Variants in CRB1 observed in about 807,000 individuals in gnomAD.
CRB1 encodes the protein protein crumbs homolog 1.
In CRB1, 83 loss-of-function variants were observed where a neutral mutation model predicts 120.0. That is an observed-to-expected ratio of 0.69 (90% CI 0.58 to 0.83). The LOEUF is 0.83. Among genes scored for constraint, CRB1 ranks in the 40% least tolerant of loss-of-function variants. The pLI is 0.00. For synonymous variants in CRB1, 625 were observed against 612.5 expected, an observed-to-expected ratio of 1.02 and a Z score of -0.30; for missense variants, 1,699 against 1,687.6, an observed-to-expected ratio of 1.01 and a Z score of -0.12.
At chr1:197,383,014 C>T (rs2125403110) in intron 5 of CRB1, among the ~76,000 whole-genome samples, 1 of 152,244 alleles carries the variant, frequency 6.6e-6, no homozygotes, top group South Asian at 2.1e-4. Flanking sequence ...TAACTACCCT[C>T]AAAAATCATA....
intron 1 of CRB1, among the ~76,000 whole-genome samples, chr1:197,284,421 A>G (rs1254587320): frequency 1.3e-5 from 2 of 151,892 alleles, no homozygotes; most frequent in Non-Finnish European, 2.9e-5. Context: ...ATATCAAGCC[A>G]TGTGTTTGTG....
Position 197,356,859 on chromosome 1 carries a change from C to T in CRB1, c.1017C>T (p.Asp339=). The change falls in exon 5 of 12, where the codon GAC becomes GAT. Residue 339 remains aspartate, a synonymous_variant. Coordinates refer to ENST00000367400, the MANE Select transcript of CRB1 (RefSeq NM_201253.3). ...ACACAGGTGCCCAGTGTGAGATCGA[C>T]CTCAATGAATGCAATAGTAACCCCT... ...PGYTGAQCEI[D]LNECNSNPCQ... 1 of 1,614,172 alleles carries T rather than the reference C, an allele frequency of 6.2e-7. No homozygotes were observed.
the CRB1 span, among the ~76,000 whole-genome samples, chr1:197,216,169 A>C: frequency 6.6e-6 from 1 of 152,098 alleles, no homozygotes; most frequent in Non-Finnish European, 1.5e-5. Context: ...TAGTCCCATT[A>C]ATCTATTCAA....
At chr1:197,282,983 T>C (rs1655612430) in intron 1 of CRB1, among the ~76,000 whole-genome samples, 1 of 151,842 alleles carries the variant, frequency 6.6e-6, no homozygotes. Context: ...TGAAGGTACA[T>C]TTTTTAATAT....
At chr1:197,243,544 G>C in the CRB1 span, among the ~76,000 whole-genome samples, 1 of 152,140 alleles carries the variant, frequency 6.6e-6, no homozygotes, top group African/African-American at 2.4e-5. Flanking sequence ...CTGAGAGGCT[G>C]TTATGATTTC....
At chr1:197,203,921 T>A in the CRB1 span, among the ~76,000 whole-genome samples, 3 of 152,186 alleles carry the variant, frequency 2.0e-5, no homozygotes, top group Non-Finnish European at 4.4e-5. Context: ...CTATACCTAA[T>A]GTGTAGCCTT....
At chr1:197,337,120 G>T (rs372251339) in intron 2 of CRB1, among the ~76,000 whole-genome samples, 1 of 152,128 alleles carries the variant, frequency 6.6e-6, no homozygotes, top group Non-Finnish European at 1.5e-5. Flanking sequence ...TGGTCATTGC[G>T]GGGAAGCTCT....
At chr1:197,238,591 A>G in the CRB1 span, among the ~76,000 whole-genome samples, 1 of 152,132 alleles carries the variant, frequency 6.6e-6, no homozygotes, top group Non-Finnish European at 1.5e-5. Context: ...CATGCCTGTT[A>G]CCCCAGCACT....
At chr1:197,282,919 A>C (rs561676509) in intron 1 of CRB1, among the ~76,000 whole-genome samples, 8 of 151,820 alleles carry the variant, frequency 5.3e-5, no homozygotes, top group African/African-American at 1.9e-4. Flanking sequence ...AATTTTGTTT[A>C]TTTCTTTCTG....
At chr1:197,302,211 C>T (rs1004940062) in intron 1 of CRB1, among the ~76,000 whole-genome samples, 13 of 152,202 alleles carry the variant, frequency 8.5e-5, no homozygotes, top group Non-Finnish European at 1.8e-4. Context: ...AACATGGAGG[C>T]AAGACCCTCC....
chr1:197,401,763 T>C (rs975391696), intron 5 of CRB1, among the ~76,000 whole-genome samples: 2 of 152,106 alleles, frequency 1.3e-5, no homozygotes, highest in Non-Finnish European at 2.9e-5. Flanking sequence ...TCTTTAAGTA[T>C]TTTTAGGCTA....
At chr1:197,287,286 C>T (rs1490343559) in intron 1 of CRB1, among the ~76,000 whole-genome samples, 1 of 151,790 alleles carries the variant, frequency 6.6e-6, no homozygotes, top group Non-Finnish European at 1.5e-5. Context: ...CCTACTGTAA[C>T]CAGGCTAATA....
the CRB1 span, among the ~76,000 whole-genome samples, chr1:197,255,107 C>A: frequency 6.6e-6 from 1 of 152,034 alleles, no homozygotes; most frequent in Admixed American, 6.6e-5. Flanking sequence ...GTTTCTCTTT[C>A]ATTTGATAGC....
chr1:197,357,088 T>C, intron 5 of CRB1, 75 bp downstream of exon 5: 1 of 1,450,424 alleles, frequency 6.9e-7, no homozygotes, highest in Non-Finnish European at 9.7e-7. Context: ...CCAAATGGTG[T>C]ATTAGCAGGA....
intron 5 of CRB1, among the ~76,000 whole-genome samples, chr1:197,406,829 T>C (rs1330799464): frequency 1.3e-5 from 2 of 152,204 alleles, no homozygotes; most frequent in Admixed American, 6.5e-5. Context: ...GAGCACTTTA[T>C]ATTTTCTAAA....
chr1:197,338,138 GAA>G (rs1659259033), intron 2 of CRB1, among the ~76,000 whole-genome samples: 1 of 151,974 alleles, frequency 6.6e-6, no homozygotes, highest in Non-Finnish European at 1.5e-5. Flanking sequence ...TGGAGTCTCT[GAA>G]ATGGGTTACT....
intron 4 of CRB1, among the ~76,000 whole-genome samples, chr1:197,355,447 G>T (rs577452286): frequency 2.6e-5 from 4 of 152,352 alleles, no homozygotes; most frequent in Non-Finnish European, 4.4e-5. Context: ...GGAGCAGGGG[G>T]TGGTGCTCAT....
chr1:197,311,803 A>T (rs1207938149), intron 1 of CRB1, among the ~76,000 whole-genome samples: 6 of 151,422 alleles, frequency 4.0e-5, no homozygotes, highest in African/African-American at 1.5e-4. Context: ...TACACTATTA[A>T]TATTATTTAT....
intron 1 of CRB1, 122 bp from the exon 2 acceptor site, chr1:197,328,296 TAGGA>T: frequency 1.4e-6 from 1 of 723,470 alleles, no homozygotes; most frequent in Non-Finnish European, 2.3e-6. Flanking sequence ...GTTTTTTCAT[TAGGA>T]TGAACCCAAC....
Sources: gnomAD v4.1 joint callset for allele counts (sites outside exome capture counted in the v4.1 genomes callset) on GRCh38, gnomAD v4.1.1 for gene constraint, MANE v1.5 for transcripts, NCBI Gene and HGNC (gene_info 2026-07-23, HGNC 2026-07-21) for gene names.